The following SRRM1 variants were observed in gnomAD, a reference collection of about 807,000 sequenced individuals.
The protein encoded by SRRM1 is serine and arginine repetitive matrix 1.
In SRRM1, 19 loss-of-function variants were observed where a neutral mutation model predicts 110.2. The observed-to-expected ratio is 0.17, with a 90% confidence interval of 0.12 to 0.25. The LOEUF (loss-of-function observed/expected upper bound fraction) is 0.25. SRRM1 is among the 10% of genes least tolerant of loss of function. The pLI, the probability that SRRM1 is intolerant of heterozygous loss-of-function variation, is 1.00. For missense variants in SRRM1, 918 were observed against 1,145.8 expected (o/e 0.80, Z 2.87); for synonymous variants, 443 against 414.9 (o/e 1.07, Z -0.82).
In SRRM1 at chr1:24,651,462, A is replaced by G; in HGVS notation, c.575A>G (p.Glu192Gly). The G allele has an allele frequency of 6.2e-7, 1 of 1,614,132 alleles. No homozygotes were observed. The highest frequency in any genetic ancestry group is 1.1e-5 in the South Asian group (1 of 91,082). The change falls in exon 6 of 17, where the codon GAG becomes GGG. Residue 192 changes from glutamate to glycine, a missense_variant. Transcript: ENST00000323848. ...PRRRSSPVRR[E>G]RKRSHSRSPR... ...AGACGATCTTCCCCTGTCAGGAGAG[A>G]GAGAAAGCGCAGTCATTCTCGATCT...
At chr1:24,659,022 T>C (rs190393081) in intron 9 of SRRM1, among the ~76,000 whole-genome samples, 116 of 152,196 alleles carry the variant, frequency 7.6e-4, no homozygotes, top group African/African-American at 2.6e-3. Context: ...GGAGAAACCC[T>C]GTCTCTACTA....
rs761443859 is a variant in SRRM1, at chr1:24,671,586, G to A, written c.2601G>A (p.Glu867=). The change falls in exon 16 of 17, where the codon GAG becomes GAA. Residue 867 remains glutamate, a synonymous_variant. Transcript: ENST00000323848. ...AGGAAGAGCCAGTGGCAGCGCCAGA[G>A]CCGAAGAAGGTATTTATGAACTCTG... The part of the protein sequence containing the change: ...LAQEEPVAAP[E]PKKETESEAE... 8.2e-6 allele frequency: 13 copies of A among 1,589,868 alleles called. No individual in the cohort carries two copies. The South Asian group carries it at 1.4e-4, about 17-fold the overall frequency.
rs568859117 is a variant in SRRM1, at chr1:24,666,799, ATTC to A, written c.1629-10_1629-8del. The A allele has an allele frequency of 1.5e-4, 236 of 1,605,844 alleles. No homozygotes were observed. In the African/African-American group the frequency reaches 2.6e-3, roughly 18 times the overall value. The stretch of plus-strand genomic sequence containing the variant: ...AAAAAAAGAAAAAAAATTAACTATA[ATTC>A]TTCTTGGTTTAGTGGTAGACGGAGG... On this transcript the variant is annotated splice_polypyrimidine_tract_variant and intron_variant, in intron 12 of 16. Coordinates refer to ENST00000323848, the MANE Select transcript of SRRM1 (RefSeq NM_005839.4).
At chr1:24,658,571 G>T (rs934025396) in intron 9 of SRRM1, among the ~76,000 whole-genome samples, 5 of 152,102 alleles carry the variant, frequency 3.3e-5, no homozygotes, top group African/African-American at 1.2e-4. Flanking sequence ...AGGGGAAAAT[G>T]TATCCAAACA....
At chr1:24,656,417 T>C (rs899558308) in intron 9 of SRRM1, among the ~76,000 whole-genome samples, 5 of 152,218 alleles carry the variant, frequency 3.3e-5, no homozygotes, top group Non-Finnish European at 5.9e-5. Context: ...TGTTGGCCCC[T>C]TAGAGAAGCA....
chr1:24,650,004 C>G lies in SRRM1; in HGVS notation c.439C>G (p.Gln147Glu), dbSNP rs183961609. ...AGAAAAACTGGCATCTATGAAAAAG[C>G]AAGATGAAGACAAAGATAAAAGAGA... is the stretch of plus-strand genomic sequence containing the variant. ...EQEKLASMKK[Q>E]DEDKDKRDKE... is the part of the protein sequence containing the mutation. The change falls in exon 5 of 17, where the codon CAA becomes GAA. Residue 147 changes from glutamine (Q) to glutamate (E), a missense_variant. Physicochemically the swap from Gln to Glu is conservative, Grantham distance 29 (BLOSUM62 2). This residue lies in a region of SRRM1 where 456 missense variants were observed against 453.5 expected (regional missense o/e 1.01). Coordinates refer to ENST00000323848, the MANE Select transcript of SRRM1 (RefSeq NM_005839.4). 6.9e-6 allele frequency: 11 copies of G among 1,590,978 alleles called. No homozygotes were observed. The highest frequency in any genetic ancestry group is 9.4e-6 in the Non-Finnish European group (11 of 1,169,478).
chr1:24,650,069 G>A lies in SRRM1; in HGVS notation c.504G>A (p.Arg168=). Reference sequence around the variant, plus strand: ...AAAGCAGCAGAGAAAAAAGGGAGCGGTCTCGTAGCCCAAGAAGGTATCATA... The same window carrying A: ...AAAGCAGCAGAGAAAAAAGGGAGCGATCTCGTAGCCCAAGAAGGTATCATA... ...EKESSREKRE[R]SRSPRRRKSR... Residue 168 remains arginine (R), a synonymous_variant, in exon 5 of 17, where the codon CGG becomes CGA. Coordinates refer to ENST00000323848, the MANE Select transcript of SRRM1 (RefSeq NM_005839.4). 1 of 1,586,240 alleles carries A rather than the reference G, an allele frequency of 6.3e-7. No individual in the cohort carries two copies. The highest frequency in any genetic ancestry group is 8.6e-7 in the Non-Finnish European group (1 of 1,165,796).
rs202171183 is a variant in SRRM1, at chr1:24,663,197, A to G, written c.1628+393A>G. 2.4e-3 allele frequency: 3,661 copies of G among 1,516,154 alleles called. 11 individuals are homozygous for G. Among genetic ancestry groups the G allele is most frequent in the Non-Finnish European group, 3.0e-3 (3,370 of 1,121,248 alleles). 93.9% of individuals were successfully genotyped at this position (1,516,154 alleles called of 1,614,324 possible). A position where few individuals can be genotyped will look rare whatever the true frequency, so the allele number is the denominator to read the frequency against. Reference sequence around the variant, plus strand: ...ACTGCTCTCAGGATGCAGATGGGAAAGCGATGGCAATCGCCAGTGACTAAA... The same window carrying G: ...ACTGCTCTCAGGATGCAGATGGGAAGGCGATGGCAATCGCCAGTGACTAAA... On this transcript the variant is annotated intron_variant, in intron 12 of 16. Coordinates refer to ENST00000323848, the MANE Select transcript of SRRM1 (RefSeq NM_005839.4).
chr1:24,652,956 TCTC>T lies in SRRM1; in HGVS notation c.968_970del (p.Pro323del). On this transcript the variant is annotated inframe_deletion, in exon 8 of 17. Coordinates refer to ENST00000323848, the MANE Select transcript of SRRM1 (RefSeq NM_005839.4). ...GCGGCCAAGCCCAAGAAGGCGGCCATCTCCTCGAAGAAGAACTCCGCCAAGAAG... is the reference window on the plus strand; with the variant it reads ...GCGGCCAAGCCCAAGAAGGCGGCCATCTCGAAGAAGAACTCCGCCAAGAAG... 6.2e-6 allele frequency: 10 copies of T among 1,613,978 alleles called. No homozygotes were observed. The highest frequency in any genetic ancestry group is 8.5e-6 in the Non-Finnish European group (10 of 1,179,936).
intron 3 of SRRM1, chr1:24,647,387 T>A (rs1658218860): frequency 6.6e-6 from 1 of 152,540 alleles, no homozygotes; most frequent in African/African-American, 2.4e-5. Context: ...AACTAAGGTC[T>A]TTGTAGCTGC....
At chr1:24,653,972 A>AT (rs1164686503) in intron 8 of SRRM1, among the ~76,000 whole-genome samples, 2 of 152,110 alleles carry the variant, frequency 1.3e-5, no homozygotes, top group Admixed American at 6.5e-5. Flanking sequence ...TATTTTGAAA[A>AT]TTTTCTTTGG....
rs750375270 is a variant in SRRM1, at chr1:24,671,469, C to T, written c.2484C>T (p.His828=). ...AAAAGGATAAGAAGCACAAGAAGCA[C>T]AAAAAACACAAGAAGGAAAAGGCTG... ...KHKKDKKHKK[H]KKHKKEKAVA... The change falls in exon 16 of 17, where the codon CAC becomes CAT. Residue 828 remains histidine, a synonymous_variant. Coordinates refer to ENST00000323848, the MANE Select transcript of SRRM1 (RefSeq NM_005839.4). The T allele has an allele frequency of 2.2e-5, 35 of 1,612,592 alleles. No homozygotes were observed. Among genetic ancestry groups the T allele is most frequent in the Admixed American group, 8.4e-5 (5 of 59,634 alleles).
At chr1:24,663,508 A>C (rs1668288328) in intron 12 of SRRM1, among the ~76,000 whole-genome samples, 1 of 152,170 alleles carries the variant, frequency 6.6e-6, no homozygotes, top group African/African-American at 2.4e-5. Context: ...ATCAAGCAGC[A>C]CGCAGATTTT....
Position 24,670,212 on chromosome 1 carries a change from C to T in SRRM1, c.2297C>T (p.Ala766Val), listed in dbSNP as rs2148782825. ...GAGCCAGCAGCTAAAAAGCCCCCAG[C>T]ACCTCCATCCCCCGTCCAGTCTCAG... ...SPEPAAKKPP[A>V]PPSPVQSQSP... The change falls in exon 15 of 17, where the codon GCA becomes GTA. Residue 766 changes from alanine (A) to valine (V), a missense_variant. This residue lies in a region of SRRM1 where 357 missense variants were observed against 402.9 expected (regional missense o/e 0.89). Transcript: ENST00000323848. The T allele has an allele frequency of 6.2e-7, 1 of 1,614,146 alleles. No individual in the cohort carries two copies. Among genetic ancestry groups the T allele is most frequent in the East Asian group, 2.2e-5 (1 of 44,868 alleles).
chr1:24,672,155 T>C, intron 16 of SRRM1, 27 bp from the exon 17 acceptor site: 1 of 1,561,934 alleles, frequency 6.4e-7, no homozygotes, highest in Non-Finnish European at 8.8e-7. Context: ...TCTCAAGACT[T>C]AACCGTGTAA....
At chr1:24,661,281 AAC>A (rs1345586837) in intron 10 of SRRM1, 27 bp from the exon 11 acceptor site, 8 of 1,578,198 alleles carry the variant, frequency 5.1e-6, no homozygotes, top group African/African-American at 1.4e-5. Context: ...TAACTAAAGA[AAC>A]ACTTTCTAAA....
chr1:24,666,020 G>A (rs767439106), intron 12 of SRRM1, among the ~76,000 whole-genome samples: 15 of 152,168 alleles, frequency 9.9e-5, no homozygotes, highest in Non-Finnish European at 1.9e-4. Context: ...CTGTATTAGA[G>A]TCTCTAAAGC....
At chr1:24,647,187 A>G (rs1317147788) in intron 3 of SRRM1, 1 of 156,216 alleles carries the variant, frequency 6.4e-6, no homozygotes, top group African/African-American at 2.4e-5. Flanking sequence ...AACTCCCTTG[A>G]TGATGCAGTG....
intron 13 of SRRM1, among the ~76,000 whole-genome samples, chr1:24,667,356 G>C (rs1310098304): frequency 1.3e-5 from 2 of 152,130 alleles, no homozygotes; most frequent in African/African-American, 4.8e-5. Flanking sequence ...ATCATGTATT[G>C]TCATAAAGAT....
Sources: allele counts gnomAD v4.1 joint callset (sites outside exome capture counted in the v4.1 genomes callset), GRCh38; gene constraint gnomAD v4.1.1; regional missense constraint gnomAD v4.1.1; transcripts MANE v1.5; gene names NCBI Gene and HGNC (gene_info 2026-07-23, HGNC 2026-07-21).